ROBO1: variants seen among roughly 807,000 people sequenced by gnomAD.
ROBO1 encodes roundabout homolog 1.
Under a neutral mutation model 195.9 loss-of-function variants are expected in ROBO1, and 149 were observed. That is an observed-to-expected ratio of 0.76 (90% confidence interval 0.67 to 0.87). ROBO1 has a LOEUF of 0.87. Among genes scored for constraint, ROBO1 ranks in the 40% least tolerant of loss-of-function variants. The probability of loss-of-function intolerance (pLI) is 0.00; values close to 1 mark genes in which losing one functional copy is unlikely to be tolerated. For missense variants in ROBO1, 1,933 were observed against 2,068.3 expected (o/e 0.93, Z 1.27); for synonymous variants, 816 against 733.2 (o/e 1.11, Z -1.82).
intron 8 of ROBO1, among the ~76,000 whole-genome samples, chr3:78,714,023 T>C (rs1360289996): frequency 2.0e-5 from 3 of 152,162 alleles, no homozygotes; most frequent in East Asian, 1.9e-4. Flanking sequence ...CTTGTTTTCC[T>C]CCAAAGACAA....
At chr3:79,212,135 G>A (rs2081976244) in intron 2 of ROBO1, among the ~76,000 whole-genome samples, 1 of 152,178 alleles carries the variant, frequency 6.6e-6, no homozygotes, top group Admixed American at 6.5e-5. Context: ...TTCCCGCCCT[G>A]GGTGGGCCAG....
At chr3:78,789,986 A>G (rs542517934) in intron 4 of ROBO1, among the ~76,000 whole-genome samples, 1 of 152,282 alleles carries the variant, frequency 6.6e-6, no homozygotes, top group South Asian at 2.1e-4. Flanking sequence ...ATGCAAACTT[A>G]CAGCTTTTTT....
At chr3:78,949,712 G>C (rs1363933338) in intron 3 of ROBO1, among the ~76,000 whole-genome samples, 1 of 152,116 alleles carries the variant, frequency 6.6e-6, no homozygotes, top group Admixed American at 6.6e-5. Flanking sequence ...ACTACCATCA[G>C]AGTGAACAGG....
At chr3:79,637,605 T>C (rs1020920147) in intron 1 of ROBO1, among the ~76,000 whole-genome samples, 7 of 152,166 alleles carry the variant, frequency 4.6e-5, no homozygotes, top group African/African-American at 1.4e-4. Flanking sequence ...TTTACAATTT[T>C]GGAGTTACTC....
intron 4 of ROBO1, among the ~76,000 whole-genome samples, chr3:78,827,739 A>G (rs2031761182): frequency 6.6e-6 from 1 of 152,184 alleles, no homozygotes; most frequent in African/African-American, 2.4e-5. Context: ...GGCGGCTCAT[A>G]TCTGAAGACA....
chr3:78,955,457 T>A (rs1395990960), intron 3 of ROBO1, among the ~76,000 whole-genome samples: 3 of 152,226 alleles, frequency 2.0e-5, no homozygotes, highest in African/African-American at 7.2e-5. Context: ...GCTATCAAAG[T>A]ATGTAAAAAC....
intron 2 of ROBO1, among the ~76,000 whole-genome samples, chr3:79,382,098 C>T (rs760568197): frequency 1.2e-4 from 18 of 152,004 alleles, no homozygotes; most frequent in Non-Finnish European, 2.1e-4. Flanking sequence ...AGATAAAGCA[C>T]GATCATCAAA....
intron 3 of ROBO1, among the ~76,000 whole-genome samples, chr3:78,944,310 AC>A (rs938903374): frequency 2.0e-5 from 3 of 152,340 alleles, no homozygotes; most frequent in Admixed American, 1.3e-4. Context: ...TTCACTTTGC[AC>A]TTTGATTGCT....
rs560194056 is a variant in ROBO1, at chr3:79,308,484, A to G, written c.89-182945T>C. On this transcript the variant is annotated intron_variant, in intron 2 of 30. Coordinates refer to ENST00000464233, the MANE Select transcript of ROBO1 (RefSeq NM_002941.4). ...CTTTTACACATTCATTCATTCAACA[A>G]ATTCTCCTGGATACCTATGATGTGC... 5.9e-5 allele frequency among the ~76,000 whole-genome samples: 9 copies of G among 152,258 alleles called. No individual in the cohort carries two copies. In the South Asian group the frequency reaches 1.9e-3, roughly 32 times the overall value.
chr3:78,944,747 G>C (rs1487143458), intron 3 of ROBO1, among the ~76,000 whole-genome samples: 1 of 152,230 alleles, frequency 6.6e-6, no homozygotes, highest in Non-Finnish European at 1.5e-5. Flanking sequence ...AGGGGTCAGG[G>C]AATTCCCTTT....
intron 2 of ROBO1, among the ~76,000 whole-genome samples, chr3:79,289,680 C>T (rs192346208): frequency 6.6e-6 from 1 of 152,104 alleles, no homozygotes; most frequent in African/African-American, 2.4e-5. Flanking sequence ...TTAAATAATA[C>T]ATTTTATGAA....
intron 2 of ROBO1, among the ~76,000 whole-genome samples, chr3:79,424,722 A>G (rs2038375062): frequency 6.6e-6 from 1 of 152,158 alleles, no homozygotes; most frequent in African/African-American, 2.4e-5. Context: ...AATGTATTAT[A>G]GAATGTAACC....
intron 2 of ROBO1, among the ~76,000 whole-genome samples, chr3:79,457,467 C>A (rs1173591419): frequency 1.3e-5 from 2 of 151,770 alleles, no homozygotes; most frequent in Non-Finnish European, 2.9e-5. Flanking sequence ...CAGGTCAGAT[C>A]TTTGGTACAG....
At chr3:78,970,712 C>T (rs1289065134) in intron 3 of ROBO1, among the ~76,000 whole-genome samples, 1 of 151,914 alleles carries the variant, frequency 6.6e-6, no homozygotes. Flanking sequence ...AATCATCTTC[C>T]AGAACAATTA....
At chr3:78,601,593 ATC>A (rs370472724) in intron 29 of ROBO1, among the ~76,000 whole-genome samples, 45 of 152,024 alleles carry the variant, frequency 3.0e-4, no homozygotes, top group African/African-American at 1.0e-3. Flanking sequence ...ATATGATAAA[ATC>A]TCTCTCTTAC....
chr3:78,936,773 T>A (rs1346712259), intron 4 of ROBO1, among the ~76,000 whole-genome samples: 1 of 152,026 alleles, frequency 6.6e-6, no homozygotes, highest in East Asian at 1.9e-4. Flanking sequence ...CGCCCATGAA[T>A]CCTGAGGGAG....
intron 4 of ROBO1, among the ~76,000 whole-genome samples, chr3:78,787,993 G>T (rs2083893547): frequency 1.4e-5 from 2 of 146,330 alleles, no homozygotes; most frequent in South Asian, 4.3e-4. Context: ...AGGCTGGAGT[G>T]CAGGGGCACG....
intron 8 of ROBO1, among the ~76,000 whole-genome samples, chr3:78,701,580 T>G (rs1344980402): frequency 2.0e-5 from 3 of 152,228 alleles, no homozygotes; most frequent in Non-Finnish European, 4.4e-5. Flanking sequence ...TTATATTTAG[T>G]GATTAAGTAT....
intron 1 of ROBO1, among the ~76,000 whole-genome samples, chr3:79,702,005 C>T (rs1221256905): frequency 6.6e-6 from 1 of 151,720 alleles, no homozygotes; most frequent in African/African-American, 2.4e-5. Flanking sequence ...CATGCATAGG[C>T]TCTTCCCATC....
Sources: gnomAD v4.1 joint callset for allele counts (sites outside exome capture counted in the v4.1 genomes callset) on GRCh38, gnomAD v4.1.1 for gene constraint, MANE v1.5 for transcripts, NCBI Gene and HGNC (gene_info 2026-07-23, HGNC 2026-07-21) for gene names.